Variants in ABCA13 observed in about 807,000 individuals in gnomAD.
The protein encoded by ABCA13 is ATP-binding cassette sub-family A member 13.
Under a neutral mutation model 478.7 loss-of-function variants are expected in ABCA13, and 476 were observed. The ratio of observed to expected loss-of-function variants is 0.99; its 90% confidence interval spans 0.92 to 1.07. The LOEUF (loss-of-function observed/expected upper bound fraction) is 1.07. ABCA13 is among the 50% of genes least tolerant of loss of function. The pLI is 0.00. For synonymous variants in ABCA13, 2,252 were observed against 2,158.9 expected, an observed-to-expected ratio of 1.04 and a Z score of -1.20; for missense variants, 6,060 against 5,910.6, an observed-to-expected ratio of 1.03 and a Z score of -0.83.
At chr7:48,611,658 T>A (rs1792038842) in intron 58 of ABCA13, among the ~76,000 whole-genome samples, 1 of 152,202 alleles carries the variant, frequency 6.6e-6, no homozygotes, top group Admixed American at 6.5e-5. Context: ...CTCACTATCA[T>A]GAGAAAAGCA....
chr7:48,239,495 G>C, intron 9 of ABCA13, 90 bp downstream of exon 9: 2 of 1,431,410 alleles, frequency 1.4e-6, no homozygotes, highest in East Asian at 4.7e-5. Flanking sequence ...CATGTTTACT[G>C]TTGGATTTTA....
intron 1 of ABCA13, among the ~76,000 whole-genome samples, chr7:48,186,447 T>C (rs1002515981): frequency 3.9e-5 from 6 of 152,118 alleles, no homozygotes; most frequent in African/African-American, 1.4e-4. Flanking sequence ...TATTCTTGAA[T>C]TGATATTGAG....
In ABCA13 at chr7:48,295,812, A is replaced by G; in HGVS notation, c.9068A>G (p.Gln3023Arg). The change falls in exon 21 of 62, where the codon CAG (glutamine) becomes CGG (arginine). Residue 3023 changes from glutamine (Q) to arginine (R), a missense_variant. Coordinates refer to ENST00000435803, the MANE Select transcript of ABCA13 (RefSeq NM_152701.5). ...AGCAGCTTGGAAAATGCCACTGGCC[A>G]GGACTGCACAAGCCAGCCGAGGCTG... The part of the protein sequence containing the change: ...FKSSLENATG[Q>R]DCTSQPRLET... 6.2e-7 allele frequency: 1 copy of G among 1,613,962 alleles called. No individual in the cohort carries two copies. Among genetic ancestry groups the G allele is most frequent in the Non-Finnish European group, 8.5e-7 (1 of 1,179,858 alleles).
intron 59 of ABCA13, among the ~76,000 whole-genome samples, chr7:48,616,956 T>C (rs1257101484): frequency 6.6e-6 from 1 of 152,088 alleles, no homozygotes; most frequent in Non-Finnish European, 1.5e-5. Context: ...ATCAGTTGTG[T>C]CCAAGAGATC....
At chr7:48,412,761 C>A (rs1819448792) in intron 41 of ABCA13, among the ~76,000 whole-genome samples, 178 bp downstream of exon 41, 1 of 146,646 alleles carries the variant, frequency 6.8e-6, no homozygotes, top group Non-Finnish European at 1.5e-5. Context: ...ACTTAACAGG[C>A]CTGACAGGTG....
At chr7:48,230,858 T>C (rs1441046331) in intron 7 of ABCA13, among the ~76,000 whole-genome samples, 1 of 152,210 alleles carries the variant, frequency 6.6e-6, no homozygotes, top group Non-Finnish European at 1.5e-5. Flanking sequence ...CATTTATTTA[T>C]TCATTCTCTC....
In ABCA13 at chr7:48,310,107, G is replaced by C. The variant is rs755393730; in HGVS notation, c.9482G>C (p.Ser3161Thr). The stretch of plus-strand genomic sequence containing the variant: ...GTGTATTCTCTGATTGTGTTGCTGA[G>C]TCGAAACTTGGATGTGCGAGCTTTC... ...SKVYSLIVLL[S>T]RNLDVRAFIY... Residue 3161 changes from serine (S) to threonine (T), a missense_variant, in exon 24 of 62, where the codon AGT (serine) becomes ACT (threonine). Physicochemically the swap from Ser to Thr is moderately conservative, Grantham distance 58. Around this residue, in one of 3 missense-constraint regions of ABCA13, gnomAD observed 4,423 missense variants for 4,309.1 expected, o/e 1.03. Coordinates refer to ENST00000435803, the MANE Select transcript of ABCA13 (RefSeq NM_152701.5). 6.8e-6 allele frequency: 11 copies of C among 1,612,972 alleles called. No individual in the cohort carries two copies. The highest frequency in any genetic ancestry group is 1.6e-4 in the Middle Eastern group (1 of 6,064).
intron 11 of ABCA13, 28 bp downstream of exon 11, chr7:48,244,731 C>CT: frequency 1.3e-6 from 2 of 1,565,644 alleles, no homozygotes; most frequent in Non-Finnish European, 1.7e-6. Context: ...TTATTTGTCC[C>CT]TGACTCACTA....
chr7:48,309,929 CTCTGTGCTTTGAAACAGG>C lies in ABCA13; in HGVS notation c.9322-16_9323del. 6.2e-7 allele frequency: 1 copy of C among 1,613,664 alleles called. No homozygotes were observed. Among genetic ancestry groups the C allele is most frequent in the Non-Finnish European group, 8.5e-7 (1 of 1,179,634 alleles). On this transcript the variant is annotated splice_acceptor_variant and splice_polypyrimidine_tract_variant and coding_sequence_variant and intron_variant, in exon 24 of 62. Coordinates refer to ENST00000435803, the MANE Select transcript of ABCA13 (RefSeq NM_152701.5). LOFTEE classifies it high-confidence loss of function. ...CGTCATAGGTATACTCACCTCTAAT[CTCTGTGCTTTGAAACAGG>C]TTCTCTTCAGTGCCCTCACCGTAGC... is the stretch of plus-strand genomic sequence containing the variant.
chr7:48,186,367 A>G (rs1562725721), intron 1 of ABCA13, among the ~76,000 whole-genome samples: 1 of 152,108 alleles, frequency 6.6e-6, no homozygotes, highest in Non-Finnish European at 1.5e-5. Context: ...AAGATATTTA[A>G]CTATCTCTGG....
intron 15 of ABCA13, among the ~76,000 whole-genome samples, chr7:48,252,109 A>G (rs1048649544): frequency 1.3e-5 from 2 of 151,476 alleles, no homozygotes; most frequent in African/African-American, 4.9e-5. Context: ...CTTTAAATAC[A>G]CTCTCTGCCC....
intron 31 of ABCA13, among the ~76,000 whole-genome samples, chr7:48,353,337 A>T (rs1375373656): frequency 6.6e-6 from 1 of 151,454 alleles, no homozygotes; most frequent in African/African-American, 2.4e-5. Flanking sequence ...TAGGTCATTC[A>T]TTTGCAATCC....
intron 58 of ABCA13, among the ~76,000 whole-genome samples, chr7:48,595,553 T>C (rs1445812582): frequency 1.3e-5 from 2 of 152,202 alleles, no homozygotes; most frequent in African/African-American, 4.8e-5. Context: ...TTTATGGATG[T>C]TGACAGAAGA....
intron 59 of ABCA13, among the ~76,000 whole-genome samples, chr7:48,636,552 G>A (rs946454003): frequency 6.6e-6 from 1 of 152,182 alleles, no homozygotes; most frequent in Non-Finnish European, 1.5e-5. Context: ...AGGCCTGTGT[G>A]CCCTGCCCTG....
At chr7:48,264,676 C>T (rs1461140759) in intron 15 of ABCA13, among the ~76,000 whole-genome samples, 1 of 151,682 alleles carries the variant, frequency 6.6e-6, no homozygotes, top group African/African-American at 2.4e-5. Context: ...AGGATACAAA[C>T]TCTTTATCAG....
At chr7:48,270,918 C>T (rs559713360) in intron 16 of ABCA13, among the ~76,000 whole-genome samples, 6 of 152,178 alleles carry the variant, frequency 3.9e-5, no homozygotes, top group Admixed American at 6.5e-5. Flanking sequence ...CATCACAACT[C>T]ATTCAGCAAA....
At chr7:48,218,301 AGCCTTTAATATGAG>A (rs1384077373) in intron 3 of ABCA13, among the ~76,000 whole-genome samples, 1 of 152,178 alleles carries the variant, frequency 6.6e-6, no homozygotes, top group Non-Finnish European at 1.5e-5. Flanking sequence ...GGTCATTTTT[AGCCTTTAATATGAG>A]GCCTCAGTAG....
At chr7:48,598,328 T>A (rs998151713) in intron 58 of ABCA13, among the ~76,000 whole-genome samples, 1 of 152,194 alleles carries the variant, frequency 6.6e-6, no homozygotes, top group African/African-American at 2.4e-5. Flanking sequence ...TATCCACTCA[T>A]CCGCTGAACC....
At chr7:48,270,225 A>G (rs1795413747) in intron 16 of ABCA13, among the ~76,000 whole-genome samples, 1 of 152,178 alleles carries the variant, frequency 6.6e-6, no homozygotes, top group African/African-American at 2.4e-5. Flanking sequence ...ATGCCACATA[A>G]TAACAGCTTG....
Sources: gnomAD v4.1 joint callset for allele counts (sites outside exome capture counted in the v4.1 genomes callset) on GRCh38, gnomAD v4.1.1 for gene constraint, gnomAD v4.1.1 regional missense constraint, MANE v1.5 for transcripts, NCBI Gene and HGNC (gene_info 2026-07-23, HGNC 2026-07-21) for gene names.